PLCH1: variants seen among roughly 807,000 people sequenced by gnomAD.
PLCH1 encodes the protein 1-phosphatidylinositol 4,5-bisphosphate phosphodiesterase eta-1.
Under a neutral mutation model 126.7 loss-of-function variants are expected in PLCH1, and 60 were observed. The observed-to-expected ratio is 0.47, with a 90% CI of 0.38 to 0.59. The LOEUF (loss-of-function observed/expected upper bound fraction) is 0.59, where lower values mean the gene tolerates loss of function less well. Among genes scored for constraint, PLCH1 ranks in the 20% least tolerant of loss-of-function variants. The pLI is 0.00. For missense variants in PLCH1, 1,723 were observed against 2,040.0 expected (o/e 0.84, Z 2.99); for synonymous variants, 719 against 734.9 (o/e 0.98, Z 0.35).
chr3:155,520,957 A>G (rs1721003587), intron 11 of PLCH1, among the ~76,000 whole-genome samples: 1 of 152,194 alleles, frequency 6.6e-6, no homozygotes, highest in African/African-American at 2.4e-5. Flanking sequence ...CCTGCTCTGC[A>G]TCTAACTCCA....
At chr3:155,537,583 G>A (rs983989476) in intron 10 of PLCH1, among the ~76,000 whole-genome samples, 6 of 151,846 alleles carry the variant, frequency 4.0e-5, no homozygotes, top group African/African-American at 1.2e-4. Context: ...AAAAAAAGTG[G>A]GCAGGAGCAG....
At chr3:155,661,398 G>A (rs905491579) in intron 2 of PLCH1, among the ~76,000 whole-genome samples, 1 of 152,146 alleles carries the variant, frequency 6.6e-6, no homozygotes, top group African/African-American at 2.4e-5. Context: ...GAACCCAGGA[G>A]GGAGTCTCAA....
chr3:155,605,031 T>C (rs1734180647), intron 2 of PLCH1, among the ~76,000 whole-genome samples: 1 of 152,240 alleles, frequency 6.6e-6, no homozygotes, highest in East Asian at 1.9e-4. Flanking sequence ...TCTCCCGCCA[T>C]TCAAGTTGGC....
At chr3:155,548,581 T>C (rs1423622150) in intron 10 of PLCH1, among the ~76,000 whole-genome samples, 1 of 152,208 alleles carries the variant, frequency 6.6e-6, no homozygotes, top group South Asian at 2.1e-4. Context: ...TATTCTGCAT[T>C]TAACATCCTG....
chr3:155,494,012 T>C (rs1716636252), intron 17 of PLCH1, 129 bp downstream of exon 17: 1 of 671,920 alleles, frequency 1.5e-6, no homozygotes, highest in Non-Finnish European at 2.6e-6. Flanking sequence ...ACCTATCTTT[T>C]TGAAAAAAAA....
At chr3:155,552,838 A>T (rs1430933198) in intron 9 of PLCH1, among the ~76,000 whole-genome samples, 1 of 152,222 alleles carries the variant, frequency 6.6e-6, no homozygotes, top group East Asian at 1.9e-4. Flanking sequence ...ATAAAAATGA[A>T]CAGGAGGCAA....
At chr3:155,533,046 C>T (rs1380893626) in intron 10 of PLCH1, among the ~76,000 whole-genome samples, 1 of 152,130 alleles carries the variant, frequency 6.6e-6, no homozygotes, top group African/African-American at 2.4e-5. Context: ...TTGAGGTGGT[C>T]TCAGATGGAG....
At chr3:155,667,903 T>A (rs7634148) in intron 2 of PLCH1, among the ~76,000 whole-genome samples, 36,596 of 75,322 alleles carry the variant, frequency 0.49, 10,238 homozygotes, top group African/African-American at 0.77. Flanking sequence ...CATCTCTACT[T>A]AAAAAAAAAA....
intron 21 of PLCH1, among the ~76,000 whole-genome samples, chr3:155,458,433 G>A (rs1187473351): frequency 2.2e-4 from 17 of 78,246 alleles, no homozygotes; most frequent in Admixed American, 6.4e-4. Flanking sequence ...AAGGAAGGAA[G>A]GAAGGAAGGA....
chr3:155,486,739 T>C (rs919863253), intron 21 of PLCH1, among the ~76,000 whole-genome samples: 1 of 151,776 alleles, frequency 6.6e-6, no homozygotes, highest in Non-Finnish European at 1.5e-5. Flanking sequence ...TTAGCCAGGA[T>C]GGTCTCGATC....
intron 2 of PLCH1, among the ~76,000 whole-genome samples, chr3:155,677,098 C>T (rs1433874935): frequency 6.6e-6 from 1 of 152,182 alleles, no homozygotes; most frequent in African/African-American, 2.4e-5. Context: ...TGAGTATTAA[C>T]TCTCTCATTC....
chr3:155,721,118 G>A (rs185325916), intron 1 of PLCH1, among the ~76,000 whole-genome samples: 12 of 152,292 alleles, frequency 7.9e-5, no homozygotes, highest in Admixed American at 7.2e-4. Context: ...GGTGACTATG[G>A]CCTTGTAGTA....
At position 155,532,976 on chromosome 3, in the gene PLCH1, A is replaced by G. The variant is rs575513757; in HGVS notation, c.1363-8972T>C. Among the ~76,000 whole-genome samples the G allele has an allele frequency of 5.3e-5, 8 of 152,328 alleles. 1 individual carries two copies. The East Asian group carries it at 1.5e-3, about 29-fold the overall frequency. ...GATATGGGAAGGTTTGGGGCTTCCT[A>G]GAACTTGTTGAATGGTTTTGACCAA... On this transcript the variant is annotated intron_variant, in intron 10 of 22. Transcript: ENST00000460012.
At chr3:155,610,658 T>C (rs964118956) in intron 2 of PLCH1, among the ~76,000 whole-genome samples, 20 of 152,008 alleles carry the variant, frequency 1.3e-4, no homozygotes, top group African/African-American at 4.6e-4. Context: ...TTCAAACAAA[T>C]GCTGACAGAA....
chr3:155,502,130 T>C (rs1197300950), intron 13 of PLCH1, among the ~76,000 whole-genome samples: 1 of 152,208 alleles, frequency 6.6e-6, no homozygotes, highest in Non-Finnish European at 1.5e-5. Context: ...ATTTATGCCT[T>C]GAGTACCTCA....
At chr3:155,743,972 T>C (rs1421895012) in intron 1 of PLCH1, among the ~76,000 whole-genome samples, 2 of 152,144 alleles carry the variant, frequency 1.3e-5, no homozygotes, top group African/African-American at 4.8e-5. Flanking sequence ...CTTCTGTCCG[T>C]GATCAAAACG....
intron 2 of PLCH1, among the ~76,000 whole-genome samples, chr3:155,691,946 G>A (rs936638600): frequency 1.3e-5 from 2 of 151,842 alleles, no homozygotes; most frequent in African/African-American, 4.8e-5. Flanking sequence ...TCAAAGAATC[G>A]CTTGAACCCA....
chr3:155,647,926 C>T (rs1288253365), intron 2 of PLCH1, among the ~76,000 whole-genome samples: 2 of 152,136 alleles, frequency 1.3e-5, no homozygotes, highest in Non-Finnish European at 2.9e-5. Context: ...CTGGTATTTA[C>T]TGCCCCCACT....
At chr3:155,574,385 A>G (rs974578012) in intron 6 of PLCH1, among the ~76,000 whole-genome samples, 7 of 152,188 alleles carry the variant, frequency 4.6e-5, no homozygotes, top group African/African-American at 1.4e-4. Flanking sequence ...TGTAACTAAC[A>G]TCAATTTTTG....
Sources: allele counts gnomAD v4.1 joint callset (sites outside exome capture counted in the v4.1 genomes callset), GRCh38; gene constraint gnomAD v4.1.1; transcripts MANE v1.5; gene names NCBI Gene and HGNC (gene_info 2026-07-23, HGNC 2026-07-21).